The following SLC7A14 variants were observed in gnomAD, a reference collection of about 807,000 sequenced individuals.
SLC7A14 encodes gamma-aminobutyric acid transporter SLC7A14.
SLC7A14 carries 37 observed loss-of-function variants against 60.2 expected under a neutral mutation model. The ratio of observed to expected loss-of-function variants is 0.61; its 90% CI spans 0.47 to 0.81. The LOEUF is 0.81. Ranked by LOEUF, SLC7A14 falls within the 30% of genes least tolerant of loss-of-function variation. The pLI, the probability that SLC7A14 is intolerant of heterozygous loss-of-function variation, is 0.00. For synonymous variants in SLC7A14, 399 were observed against 395.8 expected (o/e 1.01, Z -0.10); for missense variants, 886 against 982.7 (o/e 0.90, Z 1.32).
intron 1 of SLC7A14, among the ~76,000 whole-genome samples, chr3:170,568,563 T>G (rs1653877419): frequency 6.6e-6 from 1 of 152,342 alleles, no homozygotes; most frequent in Admixed American, 6.5e-5. Flanking sequence ...ATTGGTAGCT[T>G]GATGGGGATG....
chr3:170,480,990 T>C lies in SLC7A14; in HGVS notation c.1292A>G (p.Tyr431Cys), dbSNP rs1176780600. The stretch of plus-strand genomic sequence containing the variant: ...ACCATCAATGTCACTCTCAGGTTGG[T>C]ATCGAAGGAGCAAGACACAGACAGA... Reference protein sequence around the residue: ...LVSVCVLLLRYQPESDIDGFV... With the variant: ...LVSVCVLLLRCQPESDIDGFV... Residue 431 changes from tyrosine (Y) to cysteine (C), a missense_variant, in exon 7 of 8, where the codon TAC becomes TGC. Tyr to Cys is a radical substitution (Grantham distance 194). Coordinates refer to ENST00000231706, the MANE Select transcript of SLC7A14 (RefSeq NM_020949.3). The C allele has an allele frequency of 3.1e-6, 5 of 1,614,030 alleles. No individual in the cohort carries two copies. The highest frequency in any genetic ancestry group is 4.2e-6 in the Non-Finnish European group (5 of 1,180,006).
intron 2 of SLC7A14, among the ~76,000 whole-genome samples, chr3:170,525,792 C>T (rs1423502985): frequency 2.0e-5 from 3 of 152,178 alleles, no homozygotes; most frequent in South Asian, 2.1e-4. Flanking sequence ...CGGAGGTTCA[C>T]GCCTGTTATC....
intron 2 of SLC7A14, among the ~76,000 whole-genome samples, chr3:170,506,299 T>C (rs1225870140): frequency 2.0e-5 from 3 of 152,232 alleles, no homozygotes; most frequent in Non-Finnish European, 2.9e-5. Context: ...TATAAATCTA[T>C]TGTAAACAGA....
intron 2 of SLC7A14, among the ~76,000 whole-genome samples, chr3:170,510,405 T>TA (rs201671613): frequency 0.018 from 2,387 of 129,814 alleles, 89 homozygotes; most frequent in African/African-American, 0.052. Context: ...AAAAAATAAA[T>TA]AAATAAATAA....
chr3:170,491,067 G>A (rs1161009021), intron 4 of SLC7A14, among the ~76,000 whole-genome samples: 1 of 152,066 alleles, frequency 6.6e-6, no homozygotes, highest in Non-Finnish European at 1.5e-5. Context: ...CATGTGCCAG[G>A]CACTGTGCTT....
Position 170,501,169 on chromosome 3 carries a change from G to A in SLC7A14, c.481C>T (p.Leu161=), listed in dbSNP as rs763987374. The A allele has an allele frequency of 1.9e-6, 3 of 1,614,252 alleles. No individual in the cohort carries two copies. Among genetic ancestry groups the A allele is most frequent in the Non-Finnish European group, 2.5e-6 (3 of 1,180,056 alleles). ...CAGCGGCTGATGGTGTGGTTGGCTA[G>A]TGAGTCAAACATGCTGCTCAGAGCA... The part of the protein sequence containing the change: ...ASALSSMFDS[L]ANHTISRWMA... The change falls in exon 3 of 8, where the codon CTA becomes TTA. Residue 161 remains leucine (L), a synonymous_variant. Transcript: ENST00000231706.
At chr3:170,518,426 C>T (rs750948245) in intron 2 of SLC7A14, among the ~76,000 whole-genome samples, 1 of 152,194 alleles carries the variant, frequency 6.6e-6, no homozygotes, top group Admixed American at 6.5e-5. Context: ...CTCATCTACT[C>T]ACGCCCAAAT....
intron 5 of SLC7A14, 131 bp downstream of exon 5, chr3:170,486,091 G>A: frequency 8.5e-7 from 1 of 1,175,130 alleles, no homozygotes; most frequent in East Asian, 2.6e-5. Context: ...CATGGGGAGT[G>A]GGGAATGGGG....
At chr3:170,557,191 T>C (rs1438264582) in intron 1 of SLC7A14, among the ~76,000 whole-genome samples, 1 of 152,114 alleles carries the variant, frequency 6.6e-6, no homozygotes, top group Non-Finnish European at 1.5e-5. Flanking sequence ...AATTGGTTGG[T>C]CTTCTTATTG....
chr3:170,521,856 G>A (rs923881824), intron 2 of SLC7A14, among the ~76,000 whole-genome samples: 1 of 152,148 alleles, frequency 6.6e-6, no homozygotes, highest in African/African-American at 2.4e-5. Flanking sequence ...GGGAGGTGGA[G>A]GTTGTGGTGA....
chr3:170,470,413 T>C (rs1402208935), intron 7 of SLC7A14, among the ~76,000 whole-genome samples: 3 of 152,046 alleles, frequency 2.0e-5, no homozygotes, highest in Admixed American at 6.6e-5. Context: ...AGACAATCCA[T>C]GGAAACTTGC....
At chr3:170,565,913 C>T (rs548782049) in intron 1 of SLC7A14, among the ~76,000 whole-genome samples, 76 of 152,036 alleles carry the variant, frequency 5.0e-4, no homozygotes, top group African/African-American at 1.7e-3. Context: ...GAAAGCATGC[C>T]CTTAGGAGCT....
intron 1 of SLC7A14, among the ~76,000 whole-genome samples, chr3:170,568,198 A>G (rs1714847163): frequency 6.6e-6 from 1 of 152,166 alleles, no homozygotes; most frequent in Non-Finnish European, 1.5e-5. Context: ...AGGTGTAAGG[A>G]AGGGATCCAG....
intron 1 of SLC7A14, among the ~76,000 whole-genome samples, chr3:170,537,221 C>G (rs575011847): frequency 1.3e-5 from 2 of 152,184 alleles, no homozygotes; most frequent in African/African-American, 4.8e-5. Flanking sequence ...TATTTCCTTG[C>G]CTTTTCCAGC....
intron 1 of SLC7A14, among the ~76,000 whole-genome samples, chr3:170,530,174 A>G (rs1451248807): frequency 1.3e-5 from 2 of 152,212 alleles, no homozygotes; most frequent in East Asian, 3.9e-4. Flanking sequence ...TAGAGGAAAT[A>G]AAATGGGGGT....
At chr3:170,487,035 A>G (rs1216793407) in intron 4 of SLC7A14, among the ~76,000 whole-genome samples, 1 of 149,776 alleles carries the variant, frequency 6.7e-6, no homozygotes, top group Non-Finnish European at 1.5e-5. Context: ...AGATCTTCAG[A>G]CATTCTATTG....
At chr3:170,487,729 C>T (rs751382909) in intron 4 of SLC7A14, among the ~76,000 whole-genome samples, 1 of 152,196 alleles carries the variant, frequency 6.6e-6, no homozygotes, top group Non-Finnish European at 1.5e-5. Flanking sequence ...AGCTAGGATT[C>T]TAATGTTTCA....
At chr3:170,571,618 A>G (rs1012806859) in intron 1 of SLC7A14, among the ~76,000 whole-genome samples, 34 of 152,340 alleles carry the variant, frequency 2.2e-4, no homozygotes, top group Admixed American at 2.0e-3. Context: ...ATTACTCAAG[A>G]AAATGGTTCC....
chr3:170,505,028 A>G (rs1184964216), intron 2 of SLC7A14, among the ~76,000 whole-genome samples: 1 of 152,210 alleles, frequency 6.6e-6, no homozygotes, highest in Non-Finnish European at 1.5e-5. Flanking sequence ...CCCAGTGGAC[A>G]TTCATTTAAG....
Sources: allele counts gnomAD v4.1 joint callset (sites outside exome capture counted in the v4.1 genomes callset), GRCh38; gene constraint gnomAD v4.1.1; transcripts MANE v1.5; gene names NCBI Gene and HGNC (gene_info 2026-07-23, HGNC 2026-07-21).